Variants in DNAJC15 observed in about 807,000 individuals in gnomAD.
The protein encoded by DNAJC15 is dnaJ homolog subfamily C member 15.
DNAJC15 carries 27 observed loss-of-function variants against 22.4 expected under a neutral mutation model. The ratio of observed to expected loss-of-function variants is 1.20; its 90% confidence interval spans 0.89 to 1.66. DNAJC15 has a LOEUF of 1.66. Among genes scored for constraint, DNAJC15 ranks in the 40% most tolerant of loss-of-function variants. DNAJC15 has a pLI of 0.00. For missense variants in DNAJC15, 208 were observed against 187.1 expected (o/e 1.11, Z -0.65); for synonymous variants, 79 against 63.2 (o/e 1.25, Z -1.19).
At chr13:43,040,004 G>A (rs554579949) in intron 1 of DNAJC15, among the ~76,000 whole-genome samples, 41 of 151,264 alleles carry the variant, frequency 2.7e-4, no homozygotes, top group Admixed American at 2.5e-3. Flanking sequence ...GGGCAAAAGA[G>A]TGAGACTCTG....
intron 1 of DNAJC15, among the ~76,000 whole-genome samples, chr13:43,064,672 G>A (rs185056391): frequency 2.0e-5 from 3 of 152,290 alleles, no homozygotes; most frequent in Non-Finnish European, 4.4e-5. Flanking sequence ...AATAAATAAA[G>A]GCAATTCAGG....
intron 3 of DNAJC15, among the ~76,000 whole-genome samples, chr13:43,069,962 C>T (rs2040601102): frequency 6.6e-6 from 1 of 151,826 alleles, no homozygotes; most frequent in Admixed American, 6.6e-5. Context: ...TCATTTTTTC[C>T]AAATTTATAA....
At chr13:43,038,685 G>A (rs1415488306) in intron 1 of DNAJC15, among the ~76,000 whole-genome samples, 3 of 151,876 alleles carry the variant, frequency 2.0e-5, no homozygotes, top group Non-Finnish European at 4.4e-5. Flanking sequence ...CCAGCTACTC[G>A]GGAAGCTGAG....
At chr13:43,065,825 C>G (rs1399138053) in intron 2 of DNAJC15, 88 bp downstream of exon 2, 1 of 1,247,140 alleles carries the variant, frequency 8.0e-7, no homozygotes, top group African/African-American at 1.5e-5. Flanking sequence ...CCTTAGTATT[C>G]TGAGGTTTTG....
At position 43,113,913 on chromosome 13, in the gene DNAJC15, T is replaced by G. The variant is rs1209413987; in HGVS notation, c.*6665T>G. 1 of 152,252 alleles carries G rather than the reference T, an allele frequency of 6.6e-6. No homozygotes were observed. The highest frequency in any genetic ancestry group is 1.9e-4 in the East Asian group (1 of 5,206). The allele number at this position is 152,252 out of a possible 1,614,324, so 9.4% of individuals were successfully genotyped here. ...TGCAGCCTTTCCTGGTTAACCCTGC[T>G]TGGATCTGAGTTACACTTTGTTTCC... On this transcript the variant is annotated 3_prime_UTR_variant, in exon 6 of 6. Transcript: ENST00000379221.
At chr13:43,072,522 T>G (rs2040613706) in intron 3 of DNAJC15, among the ~76,000 whole-genome samples, 1 of 152,188 alleles carries the variant, frequency 6.6e-6, no homozygotes. Context: ...GATCACCAGG[T>G]TGGCCTTTAG....
Position 43,023,713 on chromosome 13 carries a change from C to G in DNAJC15, c.87C>G (p.Ala29=), listed in dbSNP as rs774013692. The change falls in exon 1 of 6, where the codon GCC becomes GCG. Residue 29 remains alanine (A), a synonymous_variant. Coordinates refer to ENST00000379221, the MANE Select transcript of DNAJC15 (RefSeq NM_013238.3). ...YLQPSAKRPD[A]DVDQQRLVRS... ...AGCCCTCGGCCAAACGGCCAGACGC[C>G]GACGTCGACCAGCAGAGACTGGTGA... is the stretch of plus-strand genomic sequence containing the variant. 6.2e-7 allele frequency: 1 copy of G among 1,611,092 alleles called. No homozygotes were observed. Among genetic ancestry groups the G allele is most frequent in the South Asian group, 1.1e-5 (1 of 90,586 alleles).
At chr13:43,039,615 T>A (rs2040443916) in intron 1 of DNAJC15, among the ~76,000 whole-genome samples, 1 of 152,206 alleles carries the variant, frequency 6.6e-6, no homozygotes, top group African/African-American at 2.4e-5. Flanking sequence ...AAAATTCTAA[T>A]AAAATTTCAG....
chr13:43,094,471 T>C (rs74063416), intron 5 of DNAJC15, among the ~76,000 whole-genome samples: 2,543 of 152,320 alleles, frequency 0.017, 84 homozygotes, highest in East Asian at 0.1. Context: ...TGTTTGAGAA[T>C]CACCGCTCTA....
chr13:43,111,441 T>G lies in DNAJC15; in HGVS notation c.*4193T>G, dbSNP rs769194948. ...GCAGCATCATTAGAAATAATATATT[T>G]TATTCATGTGCAGAAATCTTTTGGT... On this transcript the variant is annotated 3_prime_UTR_variant, in exon 6 of 6. Coordinates refer to ENST00000379221, the MANE Select transcript of DNAJC15 (RefSeq NM_013238.3). 4 of 152,206 alleles carry G rather than the reference T, an allele frequency of 2.6e-5. No individual in the cohort carries two copies. Among genetic ancestry groups the G allele is most frequent in the Non-Finnish European group, 5.9e-5 (4 of 68,048 alleles). 9.4% of individuals were successfully genotyped at this position (152,206 alleles called of 1,614,324 possible). A position where few individuals can be genotyped will look rare whatever the true frequency, so the allele number is the denominator to read the frequency against.
At chr13:43,054,486 T>G (rs1436217021) in intron 1 of DNAJC15, among the ~76,000 whole-genome samples, 4 of 152,216 alleles carry the variant, frequency 2.6e-5, no homozygotes, top group Non-Finnish European at 5.9e-5. Context: ...TGGTACTAGT[T>G]CTGTTTTGAA....
intron 4 of DNAJC15, among the ~76,000 whole-genome samples, chr13:43,081,639 C>T (rs545619300): frequency 2.6e-5 from 4 of 151,914 alleles, no homozygotes; most frequent in South Asian, 4.2e-4. Context: ...GGGGTTTCAC[C>T]GTGTTAGCAG....
chr13:43,092,794 G>A (rs939549455), intron 5 of DNAJC15, among the ~76,000 whole-genome samples: 2 of 152,188 alleles, frequency 1.3e-5, no homozygotes, highest in African/African-American at 2.4e-5. Flanking sequence ...CATGCCAGTT[G>A]TTCCAGCTAC....
intron 1 of DNAJC15, among the ~76,000 whole-genome samples, chr13:43,042,865 AAATCAGTGTTTG>A (rs1320286969): frequency 2.6e-5 from 4 of 152,224 alleles, no homozygotes; most frequent in Non-Finnish European, 5.9e-5. Flanking sequence ...GGCAACCCCA[AAATCAGTGTTTG>A]ACTAACTGGG....
At position 43,082,806 on chromosome 13, in the gene DNAJC15, T is replaced by G. The variant is rs147836023; in HGVS notation, c.312-2962T>G. Among the ~76,000 whole-genome samples, 315 of 151,848 alleles carry G rather than the reference T, an allele frequency of 2.1e-3. 1 individual carries two copies. The highest frequency in any genetic ancestry group is 6.7e-3 in the African/African-American group (277 of 41,488). On this transcript the variant is annotated intron_variant, in intron 4 of 5. Coordinates refer to ENST00000379221, the MANE Select transcript of DNAJC15 (RefSeq NM_013238.3). Reference sequence around the variant, plus strand: ...AGAATAAAATGGACCTTGCCATATATCTTCTAAAAAAATACAATGGTTCAG... The same window carrying G: ...AGAATAAAATGGACCTTGCCATATAGCTTCTAAAAAAATACAATGGTTCAG...
intron 1 of DNAJC15, among the ~76,000 whole-genome samples, chr13:43,057,267 T>TA (rs1182423779): frequency 1.3e-5 from 2 of 152,208 alleles, no homozygotes; most frequent in East Asian, 1.9e-4. Context: ...TCATTTAACG[T>TA]AATCCCAAAC....
intron 5 of DNAJC15, among the ~76,000 whole-genome samples, chr13:43,092,429 T>C (rs867187180): frequency 6.6e-6 from 1 of 152,108 alleles, no homozygotes; most frequent in East Asian, 1.9e-4. Context: ...TTTAGACTTT[T>C]AATGTAACTA....
intron 1 of DNAJC15, among the ~76,000 whole-genome samples, chr13:43,032,149 G>A (rs997158247): frequency 5.9e-5 from 9 of 152,186 alleles, no homozygotes; most frequent in South Asian, 4.1e-4. Flanking sequence ...AGGAAGGGGC[G>A]GTAATACCGT....
rs201602896 is a variant in DNAJC15 at position 43,107,173 on chromosome 13, C to T, written c.383-5C>T. ...ATTTTAATTCATTTTTCTTTGTTCT[C>T]TCAGGTGGATCTCCTTACGTAGCAG... On this transcript the variant is annotated splice_polypyrimidine_tract_variant and splice_region_variant and intron_variant, in intron 5 of 5. Coordinates refer to ENST00000379221, the MANE Select transcript of DNAJC15 (RefSeq NM_013238.3). The T allele has an allele frequency of 6.4e-6, 10 of 1,560,236 alleles. No individual in the cohort carries two copies. The East Asian group carries it at 9.4e-5, about 15-fold the overall frequency.
Sources: gnomAD v4.1 joint callset for allele counts (sites outside exome capture counted in the v4.1 genomes callset) on GRCh38, gnomAD v4.1.1 for gene constraint, MANE v1.5 for transcripts, NCBI Gene and HGNC (gene_info 2026-07-23, HGNC 2026-07-21) for gene names.